Variants in OPRD1 observed in about 807,000 individuals in gnomAD.
OPRD1 encodes the protein delta-type opioid receptor.
A neutral mutation model predicts 17.5 loss-of-function variants in OPRD1; 19 were observed. The ratio of observed to expected loss-of-function variants is 1.09; its 90% CI spans 0.76 to 1.60. The LOEUF (loss-of-function observed/expected upper bound fraction) is 1.60, where lower values mean the gene tolerates loss of function less well. OPRD1 is among the 40% of genes most tolerant of loss of function. The pLI is 0.00. For missense variants in OPRD1, 483 were observed against 547.2 expected, an observed-to-expected ratio of 0.88 and a Z score of 1.17; for synonymous variants, 256 against 240.9, an observed-to-expected ratio of 1.06 and a Z score of -0.58.
At position 28,869,608 on chromosome 1, in the gene OPRD1, G is replaced by A. The variant is rs2089200303; in HGVS notation, c.*6325G>A. On this transcript the variant is annotated 3_prime_UTR_variant, in exon 3 of 3. Coordinates refer to ENST00000234961, the MANE Select transcript of OPRD1 (RefSeq NM_000911.4). ...ATGGGGAAACTGAGGCTCAGAGAAG[G>A]GAATGACTTGCCCAAGACCACATGG... The A allele has an allele frequency of 6.6e-6, 1 of 152,390 alleles. No homozygotes were observed. Among genetic ancestry groups the A allele is most frequent in the Non-Finnish European group, 1.5e-5 (1 of 68,210 alleles). The allele number at this position is 152,390 out of a possible 1,614,324, so 9.4% of individuals were successfully genotyped here.
At chr1:28,832,070 C>T (rs1397131845) in intron 1 of OPRD1, among the ~76,000 whole-genome samples, 1 of 152,088 alleles carries the variant, frequency 6.6e-6, no homozygotes, top group East Asian at 1.9e-4. Flanking sequence ...TCTCAGAGCT[C>T]AGATGTACAA....
intron 1 of OPRD1, among the ~76,000 whole-genome samples, chr1:28,841,711 TTTA>T (rs1025315396): frequency 9.2e-5 from 14 of 151,358 alleles, no homozygotes; most frequent in Non-Finnish European, 1.5e-4. Flanking sequence ...TATTTATTTA[TTTA>T]TTATTATTAT....
At chr1:28,831,149 G>T (rs775927421) in intron 1 of OPRD1, among the ~76,000 whole-genome samples, 1 of 152,222 alleles carries the variant, frequency 6.6e-6, no homozygotes, top group African/African-American at 2.4e-5. Context: ...GAATGGAGCT[G>T]TCCTGCTGGG....
At chr1:28,838,137 A>C (rs940392722) in intron 1 of OPRD1, among the ~76,000 whole-genome samples, 1 of 152,008 alleles carries the variant, frequency 6.6e-6, no homozygotes, top group Non-Finnish European at 1.5e-5. Context: ...ATAGCTGCTG[A>C]GATGGAGATG....
intron 1 of OPRD1, among the ~76,000 whole-genome samples, chr1:28,817,904 G>GA (rs1157962173): frequency 7.6e-6 from 1 of 130,816 alleles, no homozygotes; most frequent in East Asian, 2.1e-4. Flanking sequence ...GGGCGGGGCG[G>GA]GGGGGGGGTT....
chr1:28,821,815 G>A (rs888132470), intron 1 of OPRD1, among the ~76,000 whole-genome samples: 2 of 152,062 alleles, frequency 1.3e-5, no homozygotes, highest in African/African-American at 4.8e-5. Context: ...CATGGTGGGA[G>A]GATCACTTGA....
At chr1:28,859,371 C>T (rs111740426) in intron 2 of OPRD1, 68 bp downstream of exon 2, 37 of 1,371,860 alleles carry the variant, frequency 2.7e-5, no homozygotes, top group African/African-American at 2.0e-4. Context: ...CCTTTGTGGG[C>T]TTGCAGGGCA....
At chr1:28,852,246 C>A (rs1259702557) in intron 1 of OPRD1, among the ~76,000 whole-genome samples, 4 of 149,778 alleles carry the variant, frequency 2.7e-5, no homozygotes, top group Non-Finnish European at 4.4e-5. Context: ...TCATAGCTCA[C>A]TAGGAAAACA....
chr1:28,847,069 C>CCCCTTTCCTTT (rs1342592439), intron 1 of OPRD1, among the ~76,000 whole-genome samples: 13 of 150,184 alleles, frequency 8.7e-5, no homozygotes, highest in South Asian at 2.1e-4. Flanking sequence ...CCTTTCCTTT[C>CCCCTTTCCTTT]CGACGGAGTT....
At position 28,859,038 on chromosome 1, in the gene OPRD1, C is replaced by T; in HGVS notation, c.312C>T (p.Phe104=). 2 of 1,614,208 alleles carry T rather than the reference C, an allele frequency of 1.2e-6. No individual in the cohort carries two copies. The highest frequency in any genetic ancestry group is 1.7e-6 in the Non-Finnish European group (2 of 1,180,040). Residue 104 remains phenylalanine, a synonymous_variant, in exon 2 of 3, where the codon TTC becomes TTT. Coordinates refer to ENST00000234961, the MANE Select transcript of OPRD1 (RefSeq NM_000911.4). The stretch of plus-strand genomic sequence containing the variant: ...CGCTGGCCACCAGCACGCTGCCTTT[C>T]CAGAGTGCCAAGTACCTGATGGAGA... The part of the protein sequence containing the change: ...ADALATSTLP[F]QSAKYLMETW...
intron 1 of OPRD1, among the ~76,000 whole-genome samples, chr1:28,842,981 G>A (rs78016473): frequency 2.6e-5 from 4 of 151,170 alleles, no homozygotes; most frequent in Admixed American, 6.6e-5. Context: ...AAAAAAAGAA[G>A]AAGAAAAAGA....
rs1340914858 is a variant in OPRD1, at chr1:28,832,966, C to T, written c.227+20356C>T. 3.9e-5 allele frequency among the ~76,000 whole-genome samples: 6 copies of T among 152,128 alleles called. No homozygotes were observed. In the East Asian group the frequency reaches 9.6e-4, roughly 24 times the overall value. ...ATAATAAACTTGTGGACATTATTTA[C>T]GTGGAATTGTGGGACTGAAACATTA... On this transcript the variant is annotated intron_variant, in intron 1 of 2. Coordinates refer to ENST00000234961, the MANE Select transcript of OPRD1 (RefSeq NM_000911.4).
chr1:28,854,886 G>C (rs773045998), intron 1 of OPRD1, among the ~76,000 whole-genome samples: 1 of 151,670 alleles, frequency 6.6e-6, no homozygotes, highest in East Asian at 1.9e-4. Context: ...TCCTGACCTC[G>C]TGATCCACCC....
In OPRD1 at chr1:28,827,307, A is replaced by C. The variant is rs952887856; in HGVS notation, c.227+14697A>C. The stretch of plus-strand genomic sequence containing the variant: ...CAAGACCCTGTCTCAAAAACAAAAC[A>C]AAACCAAAAGAAACCACTTTCTTTC... On this transcript the variant is annotated intron_variant, in intron 1 of 2. Transcript: ENST00000234961. 7.2e-5 allele frequency among the ~76,000 whole-genome samples: 11 copies of C among 152,278 alleles called. No homozygotes were observed. In the East Asian group the frequency reaches 7.7e-4, roughly 11 times the overall value.
intron 1 of OPRD1, among the ~76,000 whole-genome samples, chr1:28,846,880 TTCTTTCTTTCTTTTC>T (rs530584847): frequency 0.39 from 55,664 of 142,118 alleles, 12,919 homozygotes; most frequent in East Asian, 0.86. Flanking sequence ...CTTTCTTTCT[TTCTTTCTTTCTTTTC>T]TCTTTCTTTC....
rs536442084 is a variant in OPRD1 at position 28,865,627 on chromosome 1, G to C, written c.*2344G>C. ...TACCCCGGGTCCTGGAAAGATGTGG[G>C]GCCATGCCCAGCACTCACATCCAGC... is the stretch of plus-strand genomic sequence containing the variant. On this transcript the variant is annotated 3_prime_UTR_variant, in exon 3 of 3. Coordinates refer to ENST00000234961, the MANE Select transcript of OPRD1 (RefSeq NM_000911.4). 3 of 152,268 alleles carry C rather than the reference G, an allele frequency of 2.0e-5. No homozygotes were observed. The highest frequency in any genetic ancestry group is 7.2e-5 in the African/African-American group (3 of 41,542). The allele number at this position is 152,268 out of a possible 1,614,324, so 9.4% of individuals were successfully genotyped here. A position where few individuals can be genotyped will look rare whatever the true frequency, so the allele number is the denominator to read the frequency against.
intron 1 of OPRD1, among the ~76,000 whole-genome samples, chr1:28,855,014 C>T (rs531699843): frequency 7.2e-5 from 11 of 152,162 alleles, no homozygotes; most frequent in South Asian, 4.1e-4. Flanking sequence ...ACAAAATGGA[C>T]GAAGTCTTCT....
chr1:28,854,176 C>A (rs1010020014), intron 1 of OPRD1, among the ~76,000 whole-genome samples: 2 of 152,138 alleles, frequency 1.3e-5, no homozygotes, highest in Non-Finnish European at 2.9e-5. Flanking sequence ...TGTGGCCAGA[C>A]CCGGGATGGC....
At chr1:28,836,881 G>A (rs914792942) in intron 1 of OPRD1, among the ~76,000 whole-genome samples, 1 of 152,068 alleles carries the variant, frequency 6.6e-6, no homozygotes, top group Non-Finnish European at 1.5e-5. Context: ...AACCTTTTTG[G>A]CATCAGGGAC....
Sources: gnomAD v4.1 joint callset for allele counts (sites outside exome capture counted in the v4.1 genomes callset) on GRCh38, gnomAD v4.1.1 for gene constraint, MANE v1.5 for transcripts, NCBI Gene and HGNC (gene_info 2026-07-23, HGNC 2026-07-21) for gene names.